Variants in TTLL7 observed in about 807,000 individuals in gnomAD.
TTLL7 encodes the protein tubulin tyrosine ligase like 7, also known as tubulin polyglutamylase TTLL7.
In TTLL7, 53 loss-of-function variants were observed where a neutral mutation model predicts 120.2. The ratio of observed to expected loss-of-function variants is 0.44; its 90% CI spans 0.35 to 0.55. The LOEUF (loss-of-function observed/expected upper bound fraction) is 0.55, where lower values mean the gene tolerates loss of function less well. Among genes scored for constraint, TTLL7 ranks in the 20% least tolerant of loss-of-function variants. The pLI, the probability that TTLL7 is intolerant of heterozygous loss-of-function variation, is 0.00. For missense variants in TTLL7, 803 were observed against 1,054.7 expected (o/e 0.76, Z 3.31); for synonymous variants, 353 against 351.7 (o/e 1.00, Z -0.04).
At chr1:83,874,699 G>GT (rs1653760699) in intron 20 of TTLL7, among the ~76,000 whole-genome samples, 1 of 151,840 alleles carries the variant, frequency 6.6e-6, no homozygotes, top group Non-Finnish European at 1.5e-5. Flanking sequence ...AAATCCTGTG[G>GT]TTTTAACTTC....
At position 83,952,443 on chromosome 1, in the gene TTLL7, A is replaced by T. The variant is rs938020909; in HGVS notation, c.-176-56T>A. The T allele has an allele frequency of 2.1e-5, 9 of 436,010 alleles. No homozygotes were observed. In the Admixed American group the frequency reaches 3.6e-4, roughly 17 times the overall value. 27.0% of individuals were successfully genotyped at this position (436,010 alleles called of 1,614,324 possible). On this transcript the variant is annotated intron_variant, in intron 1 of 20. Coordinates refer to ENST00000260505, the MANE Select transcript of TTLL7 (RefSeq NM_024686.6). ...AAAAAACTTTTTTGAATTTTTTTTC[A>T]TATATGCCAAGACTATTCTTTTTAA...
chr1:83,892,707 C>CACAT, intron 18 of TTLL7, among the ~76,000 whole-genome samples: 2 of 140,860 alleles, frequency 1.4e-5, no homozygotes, highest in Non-Finnish European at 3.1e-5. Context: ...TATATATGAA[C>CACAT]ATATGAACAT....
chr1:83,895,708 AAG>A (rs1471839352), intron 18 of TTLL7, among the ~76,000 whole-genome samples: 42 of 152,232 alleles, frequency 2.8e-4, no homozygotes, highest in South Asian at 1.2e-3. Context: ...TAACTTGCCC[AAG>A]ATTACCCAGC....
At chr1:83,884,670 C>A (rs1654822058) in intron 19 of TTLL7, among the ~76,000 whole-genome samples, 1 of 134,528 alleles carries the variant, frequency 7.4e-6, no homozygotes, top group Admixed American at 8.8e-5. Context: ...GGGAATTGAA[C>A]AATGAGAACA....
Position 83,911,222 on chromosome 1 carries a change from TTTCTC to T in TTLL7, c.1724_1728del (p.Arg575LysfsTer6), listed in dbSNP as rs1557617363. 6.2e-7 allele frequency: 1 copy of T among 1,613,562 alleles called. No homozygotes were observed. On this transcript the variant is annotated frameshift_variant, in exon 15 of 21. Coordinates refer to ENST00000260505, the MANE Select transcript of TTLL7 (RefSeq NM_024686.6). LOFTEE classifies it high-confidence loss of function. The stretch of plus-strand genomic sequence containing the variant: ...GGTTTAAGATTATATGTAACTTGCT[TTTCTC>T]TTTTCTTATTTTGGTACTCTTCTTT...
chr1:83,945,688 G>C (rs544522098), intron 6 of TTLL7, among the ~76,000 whole-genome samples: 88 of 152,046 alleles, frequency 5.8e-4, no homozygotes, highest in African/African-American at 1.9e-3. Flanking sequence ...CCAGCTATTT[G>C]TTTATATTGC....
At chr1:83,888,427 T>TA (rs368251299) in intron 19 of TTLL7, among the ~76,000 whole-genome samples, 3,426 of 150,250 alleles carry the variant, frequency 0.023, 52 homozygotes, top group Middle Eastern at 0.071. Context: ...TAATGGCAGC[T>TA]AAAAAAAAAT....
chr1:83,887,849 T>C (rs1014138395), intron 19 of TTLL7, among the ~76,000 whole-genome samples: 2 of 152,024 alleles, frequency 1.3e-5, no homozygotes, highest in Admixed American at 1.3e-4. Context: ...ATGACGGTAA[T>C]AATTTACTCA....
intron 10 of TTLL7, among the ~76,000 whole-genome samples, chr1:83,922,747 TTTAAAAGAGGGCATAA>T (rs1438171017): frequency 7.1e-6 from 1 of 140,952 alleles, no homozygotes; most frequent in African/African-American, 2.7e-5. Context: ...AACATAAATT[TTTAAAAGAGGGCATAA>T]TTATATTTGT....
Position 83,918,377 on chromosome 1 carries a change from G to A in TTLL7, c.1501-687C>T, listed in dbSNP as rs537271827. On this transcript the variant is annotated intron_variant, in intron 13 of 20. Transcript: ENST00000260505. ...GATATTAGGCAAGCCAGGACAATACGAGTATAATAGCTACACTGAAAGAGG... is the reference window on the plus strand; with the variant it reads ...GATATTAGGCAAGCCAGGACAATACAAGTATAATAGCTACACTGAAAGAGG... 3.0e-4 allele frequency among the ~76,000 whole-genome samples: 46 copies of A among 152,188 alleles called. 2 individuals are homozygous for A. The South Asian group carries it at 7.7e-3, about 25-fold the overall frequency.
chr1:83,975,645 C>T (rs1284331663), intron 1 of TTLL7, among the ~76,000 whole-genome samples: 1 of 152,112 alleles, frequency 6.6e-6, no homozygotes, highest in East Asian at 1.9e-4. Flanking sequence ...TGTGCCATAG[C>T]ATGTCGCTTT....
intron 1 of TTLL7, among the ~76,000 whole-genome samples, chr1:83,958,663 T>G (rs1328448369): frequency 6.6e-6 from 1 of 152,250 alleles, no homozygotes; most frequent in Non-Finnish European, 1.5e-5. Context: ...TTCTCTTATA[T>G]GAAATCATGC....
At chr1:83,956,268 T>TTTTATTTATTTATTTATGTA (rs2100872336) in intron 1 of TTLL7, among the ~76,000 whole-genome samples, 1 of 150,484 alleles carries the variant, frequency 6.6e-6, no homozygotes, top group Admixed American at 6.6e-5. Flanking sequence ...TTATTATTAT[T>TTTTATTTATTTATTTATGTA]TTTATTTATT....
intron 1 of TTLL7, among the ~76,000 whole-genome samples, chr1:83,990,369 G>A (rs992388149): frequency 1.3e-5 from 2 of 152,030 alleles, no homozygotes; most frequent in Admixed American, 6.6e-5. Context: ...TAGAGATGGG[G>A]TTTCACCTTG....
chr1:83,865,867 A>G lies in TTLL7; in HGVS notation c.*4095T>C, dbSNP rs896106466. 1 of 152,034 alleles carries G rather than the reference A, an allele frequency of 6.6e-6. No homozygotes were observed. The highest frequency in any genetic ancestry group is 2.4e-5 in the African/African-American group (1 of 41,446). The allele number at this position is 152,034 out of a possible 1,614,324, so 9.4% of individuals were successfully genotyped here. Reference sequence around the variant, plus strand: ...ACAAAGGTCAAAATTTCACCTTTGAACTAAAAAAGAAATAAAGAATAGGCA... The same window carrying G: ...ACAAAGGTCAAAATTTCACCTTTGAGCTAAAAAAGAAATAAAGAATAGGCA... On this transcript the variant is annotated 3_prime_UTR_variant, in exon 21 of 21. Transcript: ENST00000260505.
chr1:83,983,898 A>G (rs1306380909), intron 1 of TTLL7: 2 of 152,300 alleles, frequency 1.3e-5, no homozygotes, highest in Admixed American at 1.3e-4. Context: ...GAGACCGGCC[A>G]GGGCAATATA....
intron 1 of TTLL7, among the ~76,000 whole-genome samples, chr1:83,967,707 A>T (rs184463455): frequency 1.2e-4 from 19 of 152,234 alleles, no homozygotes; most frequent in Admixed American, 9.8e-4. Context: ...CCGTAAAAAT[A>T]GTATAATTTA....
At chr1:83,937,812 G>A in intron 8 of TTLL7, 40 bp downstream of exon 8, 2 of 1,605,632 alleles carry the variant, frequency 1.2e-6, no homozygotes, top group Non-Finnish European at 1.7e-6. Flanking sequence ...AATTATTGCT[G>A]AGGAAAGACT....
In TTLL7 at chr1:83,921,076, A is replaced by T. The variant is rs760902672; in HGVS notation, c.1364+11T>A. On this transcript the variant is annotated intron_variant, in intron 12 of 20. Transcript: ENST00000260505. ...TTTTTTCAATCTATACAAAAATAGC[A>T]GCACAGTTACCTATAATTCCCCATA... The T allele has an allele frequency of 1.0e-5, 16 of 1,606,632 alleles. No individual in the cohort carries two copies. The highest frequency in any genetic ancestry group is 2.2e-5 in the East Asian group (1 of 44,810).
Sources: gnomAD v4.1 joint callset for allele counts (sites outside exome capture counted in the v4.1 genomes callset) on GRCh38, gnomAD v4.1.1 for gene constraint, MANE v1.5 for transcripts, NCBI Gene and HGNC (gene_info 2026-07-23, HGNC 2026-07-21) for gene names.